The following OR2C1 variants were observed in gnomAD, a reference collection of about 807,000 sequenced individuals.
The protein encoded by OR2C1 is olfactory receptor 2C1.
For missense variants in OR2C1, 468 were observed against 388.3 expected, an observed-to-expected ratio of 1.21 and a Z score of -1.73; for synonymous variants, 209 against 167.3, an observed-to-expected ratio of 1.25 and a Z score of -1.92.
chr16:3,345,254 G>A, the OR2C1 span, among the ~76,000 whole-genome samples: 1 of 151,914 alleles, frequency 6.6e-6, no homozygotes, highest in South Asian at 2.1e-4. Flanking sequence ...AGATCATGAG[G>A]TCGGCAGATC....
the OR2C1 span, among the ~76,000 whole-genome samples, chr16:3,331,307 G>A: frequency 6.6e-6 from 1 of 151,900 alleles, no homozygotes; most frequent in Non-Finnish European, 1.5e-5. Context: ...AGATGAGTAG[G>A]TTGCGAAAAT....
the OR2C1 span, among the ~76,000 whole-genome samples, chr16:3,324,436 TG>T: frequency 2.0e-5 from 3 of 152,164 alleles, no homozygotes; most frequent in Non-Finnish European, 2.9e-5. Flanking sequence ...GCAATTCACC[TG>T]CATAGCAGAG....
chr16:3,325,680 T>C, the OR2C1 span, among the ~76,000 whole-genome samples: 1 of 151,452 alleles, frequency 6.6e-6, no homozygotes, highest in Non-Finnish European at 1.5e-5. Flanking sequence ...TTAATACATA[T>C]GTGAATAAAC....
chr16:3,357,973 C>G (rs2030711297), downstream of OR2C1, among the ~76,000 whole-genome samples: 2 of 151,916 alleles, frequency 1.3e-5, no homozygotes, highest in South Asian at 4.1e-4. Context: ...GAGCAAAACT[C>G]CGTCTCAATA....
chr16:3,333,608 T>A, the OR2C1 span, among the ~76,000 whole-genome samples: 1 of 152,224 alleles, frequency 6.6e-6, no homozygotes, highest in African/African-American at 2.4e-5. Flanking sequence ...GTGCTGGGAT[T>A]ACAGGCGTGG....
chr16:3,338,763 C>G, the OR2C1 span, among the ~76,000 whole-genome samples: 1 of 152,034 alleles, frequency 6.6e-6, no homozygotes, highest in Non-Finnish European at 1.5e-5. Context: ...GTCTCGATCT[C>G]CTGACCTTGT....
chr16:3,334,318 A>G, the OR2C1 span, among the ~76,000 whole-genome samples: 2 of 111,232 alleles, frequency 1.8e-5, no homozygotes, highest in Non-Finnish European at 4.2e-5. Context: ...TTGTATTTTT[A>G]GTAGAGACGG....
At position 3,356,583 on chromosome 16, in the gene OR2C1, G is replaced by A. The variant is rs146842001; in HGVS notation, c.643G>A (p.Val215Met). The A allele has an allele frequency of 3.7e-5, 60 of 1,614,018 alleles. 1 individual carries two copies. Among genetic ancestry groups the A allele is most frequent in the East Asian group, 8.9e-5 (4 of 44,900 alleles). ...CACTGCAGTCCCACTAAGCATCATC[G>A]TGATCTCCTACTGCCTCATTGCTCA... ...FFTAVPLSIIVISYCLIAQAV... is the reference protein window; with the variant it reads ...FFTAVPLSIIMISYCLIAQAV... Residue 215 changes from valine (V) to methionine (M), a missense_variant, in exon 1 of 1, where the codon GTG becomes ATG. By Grantham distance (21) the Val-to-Met change is conservative (BLOSUM62 1). Coordinates refer to ENST00000304936, the MANE Select transcript of OR2C1 (RefSeq NM_012368.3).
At chr16:3,343,610 G>C in the OR2C1 span, among the ~76,000 whole-genome samples, 5 of 152,174 alleles carry the variant, frequency 3.3e-5, no homozygotes, top group African/African-American at 1.2e-4. Flanking sequence ...AAATTAGCCA[G>C]GTGTGGTGGT....
At chr16:3,325,974 A>G in the OR2C1 span, among the ~76,000 whole-genome samples, 132 of 141,574 alleles carry the variant, frequency 9.3e-4, no homozygotes, top group African/African-American at 3.5e-3. Flanking sequence ...TCTGTTGCCC[A>G]GGCTGGAGTG....
chr16:3,356,757 T>G lies in OR2C1; in HGVS notation c.817T>G (p.Phe273Val). ...GAACAGCAAACAGGACCAGGGCAAG[T>G]TCATTTCCCTGTTCTACTCGTTGGT... ...AKNSKQDQGK[F>V]ISLFYSLVTP... The change falls in exon 1 of 1, where the codon TTC (phenylalanine) becomes GTC (valine). Residue 273 changes from phenylalanine (F) to valine (V), a missense_variant. By Grantham distance (50) the Phe-to-Val change is conservative. Transcript: ENST00000304936. 6.9e-7 allele frequency: 1 copy of G among 1,444,894 alleles called. No individual in the cohort carries two copies. Among genetic ancestry groups the G allele is most frequent in the African/African-American group, 1.4e-5 (1 of 73,586 alleles). The allele number at this position is 1,444,894 out of a possible 1,614,324, so 89.5% of individuals were successfully genotyped here.
At chr16:3,336,423 G>A in the OR2C1 span, among the ~76,000 whole-genome samples, 2 of 151,782 alleles carry the variant, frequency 1.3e-5, no homozygotes, top group Admixed American at 6.6e-5. Flanking sequence ...GTGCAGTGGC[G>A]TGATCTTGGC....
At chr16:3,329,846 C>G in the OR2C1 span, among the ~76,000 whole-genome samples, 229 of 142,786 alleles carry the variant, frequency 1.6e-3, no homozygotes, top group East Asian at 7.6e-3. Flanking sequence ...CCTCTGCTTC[C>G]CGGGTTCAAG....
At chr16:3,324,061 A>G in the OR2C1 span, 3 of 377,768 alleles carry the variant, frequency 7.9e-6, no homozygotes, top group Admixed American at 4.3e-5. Context: ...CATTTGAAAC[A>G]ATCAAAAAGT....
the OR2C1 span, among the ~76,000 whole-genome samples, chr16:3,327,933 C>T: frequency 1.3e-5 from 2 of 151,984 alleles, no homozygotes; most frequent in Non-Finnish European, 2.9e-5. Context: ...AGTAAACCTG[C>T]TTGATTTTAT....
chr16:3,353,990 T>TC (rs201965350), upstream of OR2C1, among the ~76,000 whole-genome samples: 39,104 of 148,500 alleles, frequency 0.26, 5,331 homozygotes, highest in Non-Finnish European at 0.28. Flanking sequence ...TTTCTTTTTT[T>TC]TTTTTTTTTT....
chr16:3,332,583 G>A, the OR2C1 span, among the ~76,000 whole-genome samples: 2 of 152,038 alleles, frequency 1.3e-5, no homozygotes, highest in African/African-American at 4.8e-5. Context: ...GCACCCACAT[G>A]TGAGTGAAAA....
At chr16:3,330,822 A>T in the OR2C1 span, among the ~76,000 whole-genome samples, 1 of 152,154 alleles carries the variant, frequency 6.6e-6, no homozygotes, top group African/African-American at 2.4e-5. Context: ...GCTCACTGCC[A>T]TTTCAAATTC....
upstream of OR2C1, among the ~76,000 whole-genome samples, chr16:3,351,214 CTTTTTCT>C: frequency 1.0e-4 from 1 of 9,708 alleles, no homozygotes; most frequent in Non-Finnish European, 2.4e-4. Flanking sequence ...TTCTTTTTTT[CTTTTTCT>C]TTTTCTTTTT....
Sources: allele counts gnomAD v4.1 joint callset (sites outside exome capture counted in the v4.1 genomes callset), GRCh38; gene constraint gnomAD v4.1.1; transcripts MANE v1.5; gene names NCBI Gene and HGNC (gene_info 2026-07-23, HGNC 2026-07-21).